Variants in ALG9 observed in about 807,000 individuals in gnomAD.
The protein encoded by ALG9 is alpha-1,2-mannosyltransferase ALG9.
ALG9 carries 55 observed loss-of-function variants against 81.8 expected under a neutral mutation model. That is an observed-to-expected ratio of 0.67 (90% CI 0.54 to 0.84). The LOEUF (loss-of-function observed/expected upper bound fraction) is 0.84. Among genes scored for constraint, ALG9 ranks in the 40% least tolerant of loss-of-function variants. The pLI is 0.00. For missense variants in ALG9, 629 were observed against 745.0 expected (o/e 0.84, Z 1.81); for synonymous variants, 278 against 274.3 (o/e 1.01, Z -0.13).
At chr11:111,819,776 C>T (rs1389705096) in intron 13 of ALG9, among the ~76,000 whole-genome samples, 2 of 152,228 alleles carry the variant, frequency 1.3e-5, no homozygotes, top group African/African-American at 4.8e-5. Context: ...TATAGCTGAA[C>T]CTTGTAAGCT....
At chr11:111,842,596 AT>A (rs1190385076) in intron 9 of ALG9, among the ~76,000 whole-genome samples, 1 of 150,612 alleles carries the variant, frequency 6.6e-6, no homozygotes, top group Non-Finnish European at 1.5e-5. Flanking sequence ...TAATTTTTTA[AT>A]TTTTTTCGTA....
intron 3 of ALG9, among the ~76,000 whole-genome samples, chr11:111,865,827 G>A (rs1962209105): frequency 6.6e-6 from 1 of 151,898 alleles, no homozygotes; most frequent in African/African-American, 2.4e-5. Context: ...ATTTAGATGA[G>A]TATTTTTCCT....
rs772136205 is a variant in ALG9 at position 111,784,565 on chromosome 11, T to G, written c.*1832A>C. ...AAACTCCAACTCTACTAAAAATACA[T>G]AAATTAGCTGGGCATGATGGCGCAT... On this transcript the variant is annotated 3_prime_UTR_variant, in exon 15 of 15. Coordinates refer to ENST00000616540, the MANE Select transcript of ALG9 (RefSeq NM_024740.2). 24 of 151,816 alleles carry G rather than the reference T, an allele frequency of 1.6e-4. No individual in the cohort carries two copies. Among genetic ancestry groups the G allele is most frequent in the Admixed American group, 1.6e-3 (24 of 15,240 alleles). The allele number at this position is 151,816 out of a possible 1,614,324, so 9.4% of individuals were successfully genotyped here. A position where few individuals can be genotyped will look rare whatever the true frequency, so the allele number is the denominator to read the frequency against.
chr11:111,768,611 ATGACT>A, the ALG9 span: 1 of 151,972 alleles, frequency 6.6e-6, no homozygotes, highest in Non-Finnish European at 1.5e-5. Context: ...AATAATAATA[ATGACT>A]TAACTGAGAG....
intron 3 of ALG9, among the ~76,000 whole-genome samples, chr11:111,866,761 A>C (rs2137244330): frequency 6.7e-6 from 1 of 150,280 alleles, no homozygotes. Flanking sequence ...TGAGCCCTTC[A>C]CCCTTTATTA....
intron 9 of ALG9, 134 bp downstream of exon 9, chr11:111,844,467 A>C (rs1017217592): frequency 1.1e-5 from 15 of 1,347,842 alleles, no homozygotes; most frequent in Non-Finnish European, 1.6e-5. Flanking sequence ...ACACAGACTG[A>C]AAATTCAGTA....
rs565447725 is a variant in ALG9, at chr11:111,785,838, T to C, written c.*559A>G. Reference sequence around the variant, plus strand: ...CAGGGTCCTAGTCCTGTGAAGTGCTTTAAAGAAGCTTAGTCTTGCTGGAGG... The same window carrying C: ...CAGGGTCCTAGTCCTGTGAAGTGCTCTAAAGAAGCTTAGTCTTGCTGGAGG... On this transcript the variant is annotated 3_prime_UTR_variant, in exon 15 of 15. Coordinates refer to ENST00000616540, the MANE Select transcript of ALG9 (RefSeq NM_024740.2). 2.8e-6 allele frequency: 1 copy of C among 357,100 alleles called. No homozygotes were observed. Among genetic ancestry groups the C allele is most frequent in the Non-Finnish European group, 5.5e-6 (1 of 182,176 alleles). 22.1% of individuals were successfully genotyped at this position (357,100 alleles called of 1,614,324 possible).
chr11:111,814,751 G>A (rs1323692217), intron 13 of ALG9: 1 of 152,118 alleles, frequency 6.6e-6, no homozygotes, highest in Non-Finnish European at 1.5e-5. Flanking sequence ...GAGAATTGAC[G>A]TCAGACCCAA....
At chr11:111,868,885 G>T in intron 2 of ALG9, 149 bp from the exon 3 acceptor site, 1 of 720,276 alleles carries the variant, frequency 1.4e-6, no homozygotes, top group Non-Finnish European at 2.0e-6. Flanking sequence ...CTTTGGGAGG[G>T]CAAGGCAAGC....
chr11:111,865,715 A>G (rs2137227578), intron 3 of ALG9, among the ~76,000 whole-genome samples: 1 of 152,340 alleles, frequency 6.6e-6, no homozygotes, highest in African/African-American at 2.4e-5. Context: ...AAAATGTACA[A>G]TATTATTTAT....
At chr11:111,768,427 C>T in the ALG9 span, among the ~76,000 whole-genome samples, 1 of 151,650 alleles carries the variant, frequency 6.6e-6, no homozygotes, top group East Asian at 1.9e-4. Flanking sequence ...GCACATTTTT[C>T]CTACTTTATA....
At chr11:111,774,989 T>C in the ALG9 span, among the ~76,000 whole-genome samples, 2 of 151,572 alleles carry the variant, frequency 1.3e-5, no homozygotes, top group Non-Finnish European at 2.9e-5. Flanking sequence ...GGTCTCACCA[T>C]GTTGCCCAGG....
At chr11:111,827,625 G>A (rs1953575032) in intron 13 of ALG9, among the ~76,000 whole-genome samples, 1 of 152,162 alleles carries the variant, frequency 6.6e-6, no homozygotes, top group Non-Finnish European at 1.5e-5. Flanking sequence ...CCAGCACTTT[G>A]GGAGGCCAAG....
chr11:111,804,132 C>CAAAA (rs140492079), intron 14 of ALG9, among the ~76,000 whole-genome samples: 2 of 85,366 alleles, frequency 2.3e-5, no homozygotes, highest in Non-Finnish European at 4.6e-5. Flanking sequence ...GACTCCATCT[C>CAAAA]AAAAAAAAAA....
intron 14 of ALG9, among the ~76,000 whole-genome samples, chr11:111,808,454 T>A (rs530451526): frequency 1.3e-5 from 2 of 152,302 alleles, no homozygotes; most frequent in African/African-American, 4.8e-5. Flanking sequence ...CAGCTCTAAT[T>A]GAACTCACTC....
chr11:111,857,458 A>C lies in ALG9; in HGVS notation c.701+144T>G. 3.7e-6 allele frequency: 4 copies of C among 1,067,004 alleles called. No individual in the cohort carries two copies. In the South Asian group the frequency reaches 4.0e-5, roughly 11 times the overall value. 66.1% of individuals were successfully genotyped at this position (1,067,004 alleles called of 1,614,324 possible). A position where few individuals can be genotyped will look rare whatever the true frequency, so the allele number is the denominator to read the frequency against. The stretch of plus-strand genomic sequence containing the variant: ...GAATTAATCATAATAGTAAGTGCTA[A>C]GAGAAATATTCTTCCATTTCCCAGA... On this transcript the variant is annotated intron_variant, in intron 6 of 14. Transcript: ENST00000616540.
In ALG9 at chr11:111,838,676, A is replaced by T. The variant is rs557064534; in HGVS notation, c.1174-277T>A. ...ATAGTCCTAATAAGTTATTTTTTTT[A>T]AATATTTAAGCAATGCTTTTTTGGT... On this transcript the variant is annotated intron_variant, in intron 10 of 14. Coordinates refer to ENST00000616540, the MANE Select transcript of ALG9 (RefSeq NM_024740.2). Among the ~76,000 whole-genome samples the T allele has an allele frequency of 9.2e-5, 14 of 152,308 alleles. No individual in the cohort carries two copies. In the East Asian group the frequency reaches 1.5e-3, roughly 17 times the overall value.
At chr11:111,850,176 G>A (rs1248568693) in intron 8 of ALG9, among the ~76,000 whole-genome samples, 1 of 151,786 alleles carries the variant, frequency 6.6e-6, no homozygotes, top group Non-Finnish European at 1.5e-5. Context: ...ATTATTATTT[G>A]GTATCACGAA....
chr11:111,776,828 T>G, the ALG9 span, among the ~76,000 whole-genome samples: 1 of 152,182 alleles, frequency 6.6e-6, no homozygotes, highest in African/African-American at 2.4e-5. Context: ...TTCTACTTCC[T>G]TCTGTAAATG....
Sources: gnomAD v4.1 joint callset for allele counts (sites outside exome capture counted in the v4.1 genomes callset) on GRCh38, gnomAD v4.1.1 for gene constraint, MANE v1.5 for transcripts, NCBI Gene and HGNC (gene_info 2026-07-23, HGNC 2026-07-21) for gene names.